The following WWOX variants were observed in gnomAD, a reference collection of about 807,000 sequenced individuals.
WWOX encodes WW domain-containing oxidoreductase.
WWOX carries 69 observed loss-of-function variants against 46.2 expected under a neutral mutation model. The observed-to-expected ratio is 1.49, with a 90% CI of 1.23 to 1.82. The LOEUF is 1.82. WWOX is among the 40% of genes most tolerant of loss of function. The pLI is 0.00. For missense variants in WWOX, 919 were observed against 542.6 expected, an observed-to-expected ratio of 1.69 and a Z score of -6.89; for synonymous variants, 359 against 202.6, an observed-to-expected ratio of 1.77 and a Z score of -6.56.
At chr16:78,273,689 A>G (rs190374524) in intron 5 of WWOX, among the ~76,000 whole-genome samples, 19 of 152,300 alleles carry the variant, frequency 1.2e-4, no homozygotes, top group African/African-American at 4.3e-4. Flanking sequence ...AAGAGGAAAC[A>G]TTTTGATAGA....
At chr16:78,536,370 C>A (rs543040134) in intron 8 of WWOX, among the ~76,000 whole-genome samples, 4 of 151,734 alleles carry the variant, frequency 2.6e-5, no homozygotes, top group African/African-American at 9.7e-5. Context: ...AAAGAAGCTG[C>A]GAGCTGTGGG....
intron 8 of WWOX, among the ~76,000 whole-genome samples, chr16:78,651,127 C>T (rs960876526): frequency 2.0e-5 from 3 of 152,176 alleles, no homozygotes; most frequent in Non-Finnish European, 2.9e-5. Flanking sequence ...ACCTGGCTTT[C>T]CTCAGTTGGG....
chr16:78,270,436 G>C (rs2079454034), intron 5 of WWOX: 1 of 152,340 alleles, frequency 6.6e-6, no homozygotes, highest in Non-Finnish European at 1.5e-5. Flanking sequence ...GCTTGATAAA[G>C]GTTGGGGTTT....
At chr16:78,433,488 G>A (rs929265076) in intron 8 of WWOX, among the ~76,000 whole-genome samples, 1 of 152,130 alleles carries the variant, frequency 6.6e-6, no homozygotes, top group Non-Finnish European at 1.5e-5. Flanking sequence ...CAAAACCAAA[G>A]GACTTCAAAA....
intron 1 of WWOX, among the ~76,000 whole-genome samples, chr16:78,101,800 G>T (rs1469814351): frequency 6.6e-6 from 1 of 152,198 alleles, no homozygotes; most frequent in Non-Finnish European, 1.5e-5. Flanking sequence ...GGTATTATGT[G>T]ACAGGCCTTT....
At chr16:79,130,602 TG>T (rs1235215044) in intron 8 of WWOX, among the ~76,000 whole-genome samples, 1 of 152,206 alleles carries the variant, frequency 6.6e-6, no homozygotes, top group East Asian at 1.9e-4. Flanking sequence ...ACATTGAGGT[TG>T]CCCCCATGGA....
At chr16:78,413,252 G>A (rs1016115154) in intron 6 of WWOX, among the ~76,000 whole-genome samples, 1 of 152,198 alleles carries the variant, frequency 6.6e-6, no homozygotes, top group Non-Finnish European at 1.5e-5. Context: ...GAGCCAGTGA[G>A]TGATCTGGGA....
chr16:78,627,549 G>C (rs1007268046), intron 8 of WWOX, among the ~76,000 whole-genome samples: 1 of 152,194 alleles, frequency 6.6e-6, no homozygotes, highest in Non-Finnish European at 1.5e-5. Context: ...CAGGTGTTCT[G>C]TTGGAAATCT....
intron 8 of WWOX, among the ~76,000 whole-genome samples, chr16:78,940,835 G>T (rs1241813898): frequency 6.6e-6 from 1 of 151,788 alleles, no homozygotes; most frequent in Admixed American, 6.6e-5. Context: ...GGTTGATCCC[G>T]GTGTAATGTA....
At chr16:78,848,244 A>G (rs1190917521) in intron 8 of WWOX, among the ~76,000 whole-genome samples, 1 of 152,226 alleles carries the variant, frequency 6.6e-6, no homozygotes, top group African/African-American at 2.4e-5. Flanking sequence ...GTAACTTTGT[A>G]CACCGTGGGC....
intron 6 of WWOX, among the ~76,000 whole-genome samples, chr16:78,399,981 A>G (rs1459245506): frequency 1.3e-5 from 2 of 152,208 alleles, no homozygotes; most frequent in Admixed American, 1.3e-4. Flanking sequence ...AAGGAAGATT[A>G]TATTTTTAGT....
At chr16:78,689,990 A>G (rs751401756) in intron 8 of WWOX, among the ~76,000 whole-genome samples, 4 of 152,014 alleles carry the variant, frequency 2.6e-5, no homozygotes, top group Admixed American at 2.6e-4. Flanking sequence ...CCTCCTGAGT[A>G]GCTGGGATTA....
intron 2 of WWOX, 78 bp from the exon 3 acceptor site, chr16:78,109,700 G>T: frequency 1.3e-6 from 2 of 1,493,926 alleles, no homozygotes; most frequent in East Asian, 2.3e-5. Flanking sequence ...GGGGCTGGGA[G>T]GGCTCCTTCC....
intron 8 of WWOX, among the ~76,000 whole-genome samples, chr16:79,019,482 T>C (rs934070254): frequency 1.3e-5 from 2 of 152,150 alleles, no homozygotes; most frequent in African/African-American, 2.4e-5. Flanking sequence ...AGTAAAAATA[T>C]GATATTATAA....
intron 8 of WWOX, among the ~76,000 whole-genome samples, chr16:78,796,386 T>C (rs2142627158): frequency 6.6e-6 from 1 of 152,328 alleles, no homozygotes; most frequent in East Asian, 1.9e-4. Flanking sequence ...GGAGTTATTA[T>C]AGGTCAAGCC....
chr16:79,206,030 G>T (rs2051497939), intron 8 of WWOX: 1 of 152,102 alleles, frequency 6.6e-6, no homozygotes, highest in African/African-American at 2.4e-5. Flanking sequence ...TTTTAGTAAG[G>T]GTCACTTGCT....
At chr16:78,665,724 G>A (rs1022769683) in intron 8 of WWOX, among the ~76,000 whole-genome samples, 5 of 152,134 alleles carry the variant, frequency 3.3e-5, no homozygotes, top group East Asian at 3.9e-4. Flanking sequence ...TTGCTCTGTC[G>A]CCCAGGCTGT....
At chr16:78,694,108 T>G (rs2048049168) in intron 8 of WWOX, among the ~76,000 whole-genome samples, 1 of 152,096 alleles carries the variant, frequency 6.6e-6, no homozygotes, top group South Asian at 2.1e-4. Context: ...AGTGTGTGCA[T>G]ATAATCCCAG....
intron 4 of WWOX, among the ~76,000 whole-genome samples, chr16:78,158,811 GAA>G (rs748487451): frequency 6.6e-6 from 1 of 152,134 alleles, no homozygotes; most frequent in Non-Finnish European, 1.5e-5. Context: ...ATATACCTGT[GAA>G]ACCATTATAT....
Sources: gnomAD v4.1 joint callset for allele counts (sites outside exome capture counted in the v4.1 genomes callset) on GRCh38, gnomAD v4.1.1 for gene constraint, MANE v1.5 for transcripts, NCBI Gene and HGNC (gene_info 2026-07-23, HGNC 2026-07-21) for gene names.